Variants in GALNTL6 observed in about 807,000 individuals in gnomAD.
GALNTL6 encodes polypeptide N-acetylgalactosaminyltransferase-like 6.
A neutral mutation model predicts 73.7 loss-of-function variants in GALNTL6; 46 were observed. The observed-to-expected ratio is 0.62, with a 90% CI of 0.49 to 0.80. GALNTL6 has a LOEUF of 0.80. Among genes scored for constraint, GALNTL6 ranks in the 30% least tolerant of loss-of-function variants. The probability of loss-of-function intolerance (pLI) is 0.00; values close to 1 mark genes in which losing one functional copy is unlikely to be tolerated. For synonymous variants in GALNTL6, 259 were observed against 263.7 expected, an observed-to-expected ratio of 0.98 and a Z score of 0.17; for missense variants, 604 against 755.0, an observed-to-expected ratio of 0.80 and a Z score of 2.34.
At chr4:172,757,182 T>A (rs930236185) in intron 5 of GALNTL6, among the ~76,000 whole-genome samples, 20 of 152,322 alleles carry the variant, frequency 1.3e-4, no homozygotes, top group African/African-American at 4.8e-4. Context: ...AAATACCTAA[T>A]GCACAGTCTG....
intron 2 of GALNTL6, among the ~76,000 whole-genome samples, chr4:171,865,673 A>G (rs896272688): frequency 6.6e-6 from 1 of 152,196 alleles, no homozygotes; most frequent in Non-Finnish European, 1.5e-5. Context: ...GATTGTGTCT[A>G]ACTTAATCTC....
At chr4:172,433,167 G>A (rs1159121823) in intron 5 of GALNTL6, among the ~76,000 whole-genome samples, 3 of 152,112 alleles carry the variant, frequency 2.0e-5, no homozygotes, top group African/African-American at 7.2e-5. Flanking sequence ...GTAACATCTA[G>A]GACTATCTTC....
At chr4:172,715,247 G>A (rs1734995987) in intron 5 of GALNTL6, among the ~76,000 whole-genome samples, 1 of 152,144 alleles carries the variant, frequency 6.6e-6, no homozygotes, top group Non-Finnish European at 1.5e-5. Context: ...AGCAACACTG[G>A]TGTATGTGGC....
intron 2 of GALNTL6, among the ~76,000 whole-genome samples, chr4:171,928,354 G>A (rs1235236499): frequency 1.3e-5 from 2 of 152,116 alleles, no homozygotes; most frequent in East Asian, 1.9e-4. Flanking sequence ...TAACAGTAAC[G>A]ATGGAGTCCC....
In GALNTL6 at chr4:172,571,736, C is replaced by A. The variant is rs183947293; in HGVS notation, c.553+223047C>A. On this transcript the variant is annotated intron_variant, in intron 5 of 12. Coordinates refer to ENST00000506823, the MANE Select transcript of GALNTL6 (RefSeq NM_001034845.3). ...CTTTATCCTTGACAAATTATGAAGC[C>A]CTACTTTAAGCAATTTAGGATAATA... is the stretch of plus-strand genomic sequence containing the variant. Among the ~76,000 whole-genome samples, 184 of 152,196 alleles carry A rather than the reference C, an allele frequency of 1.2e-3. 1 individual carries two copies. Among genetic ancestry groups the A allele is most frequent in the Non-Finnish European group, 5.7e-4 (39 of 67,998 alleles).
At chr4:172,581,853 C>T (rs1035265126) in intron 5 of GALNTL6, among the ~76,000 whole-genome samples, 7 of 152,222 alleles carry the variant, frequency 4.6e-5, no homozygotes, top group Admixed American at 2.0e-4. Flanking sequence ...GTTGCTTGCC[C>T]TCTGAAGGAG....
At chr4:172,677,847 G>C (rs933044027) in intron 5 of GALNTL6, among the ~76,000 whole-genome samples, 5 of 151,150 alleles carry the variant, frequency 3.3e-5, no homozygotes, top group Non-Finnish European at 5.9e-5. Context: ...TTCTCAAACA[G>C]AGGAAATTAA....
chr4:172,459,818 C>T (rs1732545719), intron 5 of GALNTL6, among the ~76,000 whole-genome samples: 1 of 152,128 alleles, frequency 6.6e-6, no homozygotes, highest in Non-Finnish European at 1.5e-5. Flanking sequence ...GTGTTATCCC[C>T]ATCAAGCTAC....
intron 2 of GALNTL6, among the ~76,000 whole-genome samples, chr4:171,871,450 C>T (rs1736135323): frequency 6.6e-6 from 1 of 152,010 alleles, no homozygotes. Flanking sequence ...ATAATAGAAA[C>T]AATATAGTCA....
chr4:172,405,933 C>A (rs150072853), intron 5 of GALNTL6, among the ~76,000 whole-genome samples: 1 of 151,996 alleles, frequency 6.6e-6, no homozygotes, highest in East Asian at 1.9e-4. Flanking sequence ...GTGTCTACAA[C>A]TAATGTGTTA....
intron 5 of GALNTL6, among the ~76,000 whole-genome samples, chr4:172,351,021 G>A (rs116112589): frequency 0.023 from 3,492 of 152,190 alleles, 62 homozygotes; most frequent in Non-Finnish European, 0.036. Context: ...ATGGAGGGCC[G>A]CCATGGATGT....
intron 5 of GALNTL6, among the ~76,000 whole-genome samples, chr4:172,708,145 G>A (rs1579371542): frequency 1.3e-5 from 2 of 152,254 alleles, no homozygotes; most frequent in African/African-American, 4.8e-5. Flanking sequence ...CTGCCTCCTG[G>A]ACTCAAGCAA....
intron 4 of GALNTL6, among the ~76,000 whole-genome samples, chr4:172,336,355 T>C (rs333391): frequency 0.99 from 144,134 of 145,374 alleles, 71,467 homozygotes; most frequent in Middle Eastern, 1. Flanking sequence ...ACTGCAACCT[T>C]TACCTGCCAG....
intron 3 of GALNTL6, among the ~76,000 whole-genome samples, chr4:172,299,151 G>A (rs1256944938): frequency 6.6e-6 from 1 of 152,192 alleles, no homozygotes; most frequent in African/African-American, 2.4e-5. Flanking sequence ...TAGTTTATTT[G>A]TGTAGAGGTG....
intron 2 of GALNTL6, among the ~76,000 whole-genome samples, chr4:171,967,740 C>T (rs1739432506): frequency 6.6e-6 from 1 of 152,080 alleles, no homozygotes; most frequent in Admixed American, 6.5e-5. Flanking sequence ...AGGTTACAAC[C>T]TATTTGAATT....
chr4:172,128,602 TAAAACAA>T (rs1227091022), intron 2 of GALNTL6, among the ~76,000 whole-genome samples: 2 of 152,224 alleles, frequency 1.3e-5, no homozygotes, highest in Admixed American at 1.3e-4. Context: ...TAATTTGGTT[TAAAACAA>T]TTATTTTATC....
chr4:171,928,946 CTATAA>C (rs1247420120), intron 2 of GALNTL6, among the ~76,000 whole-genome samples: 4 of 152,118 alleles, frequency 2.6e-5, no homozygotes, highest in Non-Finnish European at 4.4e-5. Flanking sequence ...TGACACATGG[CTATAA>C]TATAAGAAAT....
chr4:172,110,222 G>A (rs1732813920), intron 2 of GALNTL6, among the ~76,000 whole-genome samples: 1 of 152,096 alleles, frequency 6.6e-6, no homozygotes, highest in South Asian at 2.1e-4. Flanking sequence ...TACAGCTAAG[G>A]CAAGAATAAA....
chr4:172,984,880 T>A (rs1390517606), intron 10 of GALNTL6, among the ~76,000 whole-genome samples: 5 of 152,240 alleles, frequency 3.3e-5, no homozygotes, highest in Non-Finnish European at 5.9e-5. Flanking sequence ...ACTATAATAA[T>A]GAACATTTTT....
Sources: allele counts gnomAD v4.1 joint callset (sites outside exome capture counted in the v4.1 genomes callset), GRCh38; gene constraint gnomAD v4.1.1; transcripts MANE v1.5; gene names NCBI Gene and HGNC (gene_info 2026-07-23, HGNC 2026-07-21).